Variants in GALNT1 observed in about 807,000 individuals in gnomAD.
GALNT1 encodes GalNAc transferase 1.
Under a neutral mutation model 65.7 loss-of-function variants are expected in GALNT1, and 17 were observed. The ratio of observed to expected loss-of-function variants is 0.26; its 90% CI spans 0.18 to 0.39. GALNT1 has a LOEUF of 0.39. Among genes scored for constraint, GALNT1 ranks in the 10% least tolerant of loss-of-function variants. The pLI, the probability that GALNT1 is intolerant of heterozygous loss-of-function variation, is 1.00. For missense variants in GALNT1, 460 were observed against 672.8 expected (o/e 0.68, Z 3.50); for synonymous variants, 210 against 219.7 (o/e 0.96, Z 0.39).
intron 1 of GALNT1, among the ~76,000 whole-genome samples, chr18:35,584,237 TTTAC>T (rs1427455013): frequency 2.6e-5 from 4 of 152,246 alleles, no homozygotes; most frequent in African/African-American, 9.6e-5. Context: ...TGTTTCTGCT[TTTAC>T]TTATTTATTT....
intron 7 of GALNT1, 144 bp downstream of exon 7, chr18:35,689,434 G>T (rs1419933027): frequency 3.4e-6 from 2 of 596,764 alleles, no homozygotes; most frequent in Non-Finnish European, 3.0e-6. Context: ...CCATAAAAAG[G>T]ACTGATAGTA....
chr18:35,668,450 C>G (rs1040098851), intron 3 of GALNT1, among the ~76,000 whole-genome samples: 2 of 152,022 alleles, frequency 1.3e-5, no homozygotes, highest in African/African-American at 4.8e-5. Flanking sequence ...AAAAAATCAA[C>G]AAAATCAAAA....
chr18:35,598,348 T>A (rs2046533423), intron 1 of GALNT1, among the ~76,000 whole-genome samples: 1 of 152,018 alleles, frequency 6.6e-6, no homozygotes, highest in Non-Finnish European at 1.5e-5. Context: ...CTAACTGTAT[T>A]TTTGTACCCA....
intron 1 of GALNT1, among the ~76,000 whole-genome samples, chr18:35,617,672 A>G (rs1410570450): frequency 6.6e-6 from 1 of 152,200 alleles, no homozygotes; most frequent in Non-Finnish European, 1.5e-5. Flanking sequence ...TTCAGTATAG[A>G]TCCTTTAAAA....
chr18:35,630,046 C>G (rs1348179560), intron 1 of GALNT1, among the ~76,000 whole-genome samples: 1 of 152,176 alleles, frequency 6.6e-6, no homozygotes, highest in Non-Finnish European at 1.5e-5. Flanking sequence ...CAGCCAGATT[C>G]ATAAAGCAAG....
At chr18:35,591,757 A>G (rs1267782978) in intron 1 of GALNT1, 3 of 154,400 alleles carry the variant, frequency 1.9e-5, no homozygotes, top group African/African-American at 7.2e-5. Context: ...AGTGATTGCT[A>G]TTTCAAAAGA....
At chr18:35,641,622 A>G (rs2047164997) in intron 1 of GALNT1, among the ~76,000 whole-genome samples, 1 of 152,248 alleles carries the variant, frequency 6.6e-6, no homozygotes, top group African/African-American at 2.4e-5. Context: ...GGAAATGCAA[A>G]TTAAAACTAT....
chr18:35,603,972 AC>A (rs2046613792), intron 1 of GALNT1, among the ~76,000 whole-genome samples: 1 of 152,160 alleles, frequency 6.6e-6, no homozygotes, highest in African/African-American at 2.4e-5. Flanking sequence ...CAGGTTTGTT[AC>A]ATGGGTATAT....
chr18:35,583,648 G>A (rs2046349127), intron 1 of GALNT1, among the ~76,000 whole-genome samples: 1 of 152,110 alleles, frequency 6.6e-6, no homozygotes, highest in African/African-American at 2.4e-5. Context: ...GGTGGCATGC[G>A]TCTGTAGTCC....
intron 3 of GALNT1, among the ~76,000 whole-genome samples, chr18:35,673,403 A>T (rs1318940814): frequency 9.2e-5 from 14 of 152,206 alleles, no homozygotes; most frequent in African/African-American, 3.4e-4. Flanking sequence ...TAGTTCTGTT[A>T]CTTACTAGCT....
chr18:35,596,307 A>G (rs1247589013), intron 1 of GALNT1: 1 of 152,206 alleles, frequency 6.6e-6, no homozygotes, highest in Non-Finnish European at 1.5e-5. Context: ...GGCTATGGTA[A>G]TAATAATATC....
At chr18:35,700,480 G>C (rs1002805973) in intron 9 of GALNT1, among the ~76,000 whole-genome samples, 7 of 152,128 alleles carry the variant, frequency 4.6e-5, no homozygotes, top group African/African-American at 1.7e-4. Flanking sequence ...ATGCAGTTTA[G>C]TTACTCCTCA....
intron 4 of GALNT1, among the ~76,000 whole-genome samples, chr18:35,680,393 A>G (rs551115429): frequency 3.9e-5 from 6 of 152,236 alleles, no homozygotes; most frequent in Middle Eastern, 3.4e-3. Context: ...TGCAGCTCTA[A>G]CCAGGGTTTG....
intron 11 of GALNT1, among the ~76,000 whole-genome samples, chr18:35,707,020 A>G (rs2048274031): frequency 6.6e-6 from 1 of 152,178 alleles, no homozygotes; most frequent in African/African-American, 2.4e-5. Flanking sequence ...GCAGCCAGAT[A>G]GTATGACTAG....
intron 3 of GALNT1, among the ~76,000 whole-genome samples, chr18:35,667,768 A>G (rs1414538440): frequency 6.6e-6 from 1 of 152,088 alleles, no homozygotes; most frequent in Admixed American, 6.5e-5. Context: ...TCATTTGAAC[A>G]TGTTCTTCAG....
chr18:35,597,394 T>C (rs1416212867), intron 1 of GALNT1: 1 of 152,220 alleles, frequency 6.6e-6, no homozygotes, highest in African/African-American at 2.4e-5. Flanking sequence ...AGATGGATGC[T>C]GAGCAGCCAA....
At chr18:35,696,675 C>T (rs993829777) in intron 9 of GALNT1, among the ~76,000 whole-genome samples, 2 of 152,152 alleles carry the variant, frequency 1.3e-5, no homozygotes, top group East Asian at 1.9e-4. Context: ...AATATTAAAG[C>T]ACAACACTAT....
rs111428977 is a variant in GALNT1, at chr18:35,693,432, T to G, written c.1299+1112T>G. 1.1e-3 allele frequency among the ~76,000 whole-genome samples: 171 copies of G among 152,298 alleles called. 1 individual carries two copies. Among genetic ancestry groups the G allele is most frequent in the Non-Finnish European group, 2.0e-3 (136 of 68,012 alleles). The stretch of plus-strand genomic sequence containing the variant: ...AAGCTTTTAGGTTATAGTGAGAACT[T>G]TGCATTTTGCATTTTATTCTGAATC... On this transcript the variant is annotated intron_variant, in intron 9 of 11. Transcript: ENST00000269195.
intron 1 of GALNT1, among the ~76,000 whole-genome samples, chr18:35,609,433 A>G (rs535190140): frequency 6.6e-6 from 1 of 152,248 alleles, no homozygotes; most frequent in East Asian, 1.9e-4. Context: ...CATGTTTGAG[A>G]TGGTGTTTGC....
Sources: gnomAD v4.1 joint callset for allele counts (sites outside exome capture counted in the v4.1 genomes callset) on GRCh38, gnomAD v4.1.1 for gene constraint, MANE v1.5 for transcripts, NCBI Gene and HGNC (gene_info 2026-07-23, HGNC 2026-07-21) for gene names.